Variants in CPEB1 observed in about 807,000 individuals in gnomAD.
CPEB1 encodes the protein cytoplasmic polyadenylation element-binding protein 1.
CPEB1 carries 7 observed loss-of-function variants against 65.8 expected under a neutral mutation model. The observed-to-expected ratio is 0.11, with a 90% CI of 0.06 to 0.20. The LOEUF (loss-of-function observed/expected upper bound fraction) is 0.20. CPEB1 is among the 10% of genes least tolerant of loss of function. The pLI is 1.00. For synonymous variants in CPEB1, 262 were observed against 260.0 expected (o/e 1.01, Z -0.08); for missense variants, 551 against 712.2 (o/e 0.77, Z 2.58).
At chr15:82,601,697 A>G (rs956180842) in intron 3 of CPEB1, among the ~76,000 whole-genome samples, 3 of 152,248 alleles carry the variant, frequency 2.0e-5, no homozygotes, top group Admixed American at 1.3e-4. Context: ...ATGAGAAAAG[A>G]TATGCCATTC....
intron 1 of CPEB1, chr15:82,646,898 G>C (rs2047603864): frequency 6.6e-6 from 1 of 152,556 alleles, no homozygotes; most frequent in Admixed American, 6.5e-5. Context: ...CGTCATCACG[G>C]GGGGCGACTC....
intron 3 of CPEB1, among the ~76,000 whole-genome samples, chr15:82,585,848 C>A (rs1034129881): frequency 1.4e-4 from 22 of 151,990 alleles, no homozygotes; most frequent in African/African-American, 4.6e-4. Flanking sequence ...AACACTGTTA[C>A]CAACACTGGT....
At chr15:82,552,368 C>T (rs2036421823) in intron 9 of CPEB1, 112 bp downstream of exon 9, 3 of 988,936 alleles carry the variant, frequency 3.0e-6, no homozygotes, top group East Asian at 5.8e-5. Flanking sequence ...AGCCTTCTTG[C>T]CTCAGCAGGA....
intron 5 of CPEB1, among the ~76,000 whole-genome samples, chr15:82,556,846 G>C (rs1271361402): frequency 6.6e-6 from 1 of 152,128 alleles, no homozygotes; most frequent in East Asian, 1.9e-4. Context: ...TAAAACCAAT[G>C]GTCAGTGAGA....
At chr15:82,621,444 A>G (rs1486498275) in intron 3 of CPEB1, among the ~76,000 whole-genome samples, 1 of 152,184 alleles carries the variant, frequency 6.6e-6, no homozygotes, top group East Asian at 1.9e-4. Flanking sequence ...CAATATGGAG[A>G]AACCCCGTCT....
At chr15:82,585,751 G>A (rs936684980) in intron 3 of CPEB1, among the ~76,000 whole-genome samples, 1 of 151,994 alleles carries the variant, frequency 6.6e-6, no homozygotes, top group Non-Finnish European at 1.5e-5. Flanking sequence ...TTCACATCTC[G>A]GCAGCGTTCC....
intron 1 of CPEB1, among the ~76,000 whole-genome samples, chr15:82,637,319 A>G (rs1319896092): frequency 2.6e-5 from 4 of 152,172 alleles, no homozygotes; most frequent in Admixed American, 2.6e-4. Flanking sequence ...CTTTTTCTGC[A>G]CTTACTGACA....
chr15:82,629,979 G>A (rs1294194194), intron 1 of CPEB1: 9 of 985,338 alleles, frequency 9.1e-6, no homozygotes, highest in East Asian at 2.3e-4. Flanking sequence ...GTTTTCCCAA[G>A]CTCTCTAGAG....
intron 6 of CPEB1, 31 bp downstream of exon 6, chr15:82,555,839 C>G (rs559240762): frequency 4.4e-6 from 7 of 1,589,182 alleles, no homozygotes; most frequent in African/African-American, 1.4e-5. Flanking sequence ...AATGAGGCCT[C>G]AGGCCTCACA....
chr15:82,556,104 G>T lies in CPEB1; in HGVS notation c.706C>A (p.Pro236Thr). 1 of 1,606,382 alleles carries T rather than the reference G, an allele frequency of 6.2e-7. No individual in the cohort carries two copies. The highest frequency in any genetic ancestry group is 1.1e-5 in the South Asian group (1 of 88,886). The change falls in exon 6 of 13, where the codon CCA becomes ACA. Residue 236 changes from proline to threonine, a missense_variant. Pro to Thr is a conservative substitution (Grantham distance 38, BLOSUM62 -1). Transcript: ENST00000684509. ...SDLISSLRISPPLPFLSLSGG... is the reference protein window; with the variant it reads ...SDLISSLRISTPLPFLSLSGG... Reference sequence around the variant, plus strand: ...GACAGAGACAGGAAGGGCAGAGGTGGAGAAATGCGAAGGCTTGACTAGGGG... The same window carrying T: ...GACAGAGACAGGAAGGGCAGAGGTGTAGAAATGCGAAGGCTTGACTAGGGG...
chr15:82,581,356 G>A (rs543001362), intron 3 of CPEB1, among the ~76,000 whole-genome samples: 25 of 152,208 alleles, frequency 1.6e-4, no homozygotes, highest in African/African-American at 6.0e-4. Context: ...TGGACACCTG[G>A]GTTGTTTCCT....
Position 82,552,494 on chromosome 15 carries a change from T to C in CPEB1, c.1267A>G (p.Met423Val). 3.8e-6 allele frequency: 6 copies of C among 1,588,118 alleles called. No homozygotes were observed. The highest frequency in any genetic ancestry group is 5.1e-6 in the Non-Finnish European group (6 of 1,169,364). ...EYYFKMSSRRMRCKEVQVIPW... is the reference protein window; with the variant it reads ...EYYFKMSSRRVRCKEVQVIPW... Reference sequence around the variant, plus strand: ...CGCTAACTCACCTCCTTGCAGCGCATCCTTCGGCTGGACATCTTGAAATAA... The same window carrying C: ...CGCTAACTCACCTCCTTGCAGCGCACCCTTCGGCTGGACATCTTGAAATAA... Residue 423 changes from methionine (M) to valine (V), a missense_variant, in exon 9 of 13, where the codon ATG (methionine) becomes GTG (valine). Met to Val is a conservative substitution (Grantham distance 21, BLOSUM62 1). Transcript: ENST00000684509.
intron 1 of CPEB1, among the ~76,000 whole-genome samples, chr15:82,632,294 T>C (rs1178572505): frequency 6.6e-6 from 1 of 152,146 alleles, no homozygotes; most frequent in Non-Finnish European, 1.5e-5. Flanking sequence ...ATTCATTTAT[T>C]TTTTATATAT....
intron 3 of CPEB1, among the ~76,000 whole-genome samples, chr15:82,609,635 C>G (rs7182394): frequency 0.023 from 3,419 of 149,186 alleles, 132 homozygotes; most frequent in African/African-American, 0.079. Context: ...TCTAGAAAAA[C>G]TATAAAAAAA....
intron 4 of CPEB1, among the ~76,000 whole-genome samples, chr15:82,569,384 T>C (rs2039667983): frequency 6.6e-6 from 1 of 152,206 alleles, no homozygotes; most frequent in South Asian, 2.1e-4. Context: ...CTAACCTGCC[T>C]ACACAGCCAG....
chr15:82,613,600 T>C (rs1284689927), intron 3 of CPEB1, among the ~76,000 whole-genome samples: 1 of 152,160 alleles, frequency 6.6e-6, no homozygotes, highest in East Asian at 1.9e-4. Context: ...CAGGCTGGTC[T>C]CTAACCACCT....
rs1396851769 is a variant in CPEB1, at chr15:82,555,947, G to A, written c.863C>T (p.Pro288Leu). 2 of 1,613,592 alleles carry A rather than the reference G, an allele frequency of 1.2e-6. No homozygotes were observed. Among genetic ancestry groups the A allele is most frequent in the South Asian group, 2.2e-5 (2 of 90,938 alleles). ...SKRWPGASVW[P>L]SWDLLEAPKD... ...GGGAGCTTCGAGGAGGTCCCAGGATGGCCACACAGAAGCTCCTGGCCATCT... is the reference window on the plus strand; with the variant it reads ...GGGAGCTTCGAGGAGGTCCCAGGATAGCCACACAGAAGCTCCTGGCCATCT... Residue 288 changes from proline to leucine, a missense_variant, in exon 6 of 13, where the codon CCA becomes CTA. Physicochemically the swap from Pro to Leu is moderately conservative, Grantham distance 98. This residue lies in a region of CPEB1 where 128 missense variants were observed against 129.1 expected (regional missense o/e 0.99). Transcript: ENST00000684509.
At chr15:82,580,938 G>A (rs1444564396) in intron 3 of CPEB1, among the ~76,000 whole-genome samples, 1 of 151,208 alleles carries the variant, frequency 6.6e-6, no homozygotes, top group Admixed American at 6.6e-5. Context: ...TACAGCCTCA[G>A]CCTCCCAGGA....
chr15:82,554,333 T>C (rs1398027427), intron 6 of CPEB1, among the ~76,000 whole-genome samples: 2 of 152,244 alleles, frequency 1.3e-5, no homozygotes, highest in Non-Finnish European at 2.9e-5. Context: ...CTTACAGTAC[T>C]AATTCATAAT....
Sources: gnomAD v4.1 joint callset for allele counts (sites outside exome capture counted in the v4.1 genomes callset) on GRCh38, gnomAD v4.1.1 for gene constraint, gnomAD v4.1.1 regional missense constraint, MANE v1.5 for transcripts, NCBI Gene and HGNC (gene_info 2026-07-23, HGNC 2026-07-21) for gene names.